Variants in SPOP observed in about 807,000 individuals in gnomAD.
SPOP encodes speckle-type POZ protein.
A neutral mutation model predicts 45.6 loss-of-function variants in SPOP; 11 were observed. That is an observed-to-expected ratio of 0.24 (90% CI 0.15 to 0.40). The LOEUF is 0.40. Among genes scored for constraint, SPOP ranks in the 10% least tolerant of loss-of-function variants. The pLI is 1.00. For missense variants in SPOP, 152 were observed against 465.6 expected, an observed-to-expected ratio of 0.33 and a Z score of 6.20; for synonymous variants, 166 against 166.3, an observed-to-expected ratio of 1.00 and a Z score of 0.01.
intron 1 of SPOP, among the ~76,000 whole-genome samples, chr17:49,641,881 G>C (rs747958910): frequency 1.3e-5 from 2 of 151,632 alleles, no homozygotes; most frequent in African/African-American, 2.4e-5. Context: ...AAATTAGCCG[G>C]GTGTGGTAGT....
At position 49,599,514 on chromosome 17, in the gene SPOP, T is replaced by TG. The variant is rs575037869; in HGVS notation, c.*863_*864insC. ...CTGTTTTTGTTTTGTGTGTTTTTTT[T>TG]TTTGTTTGTTTTTTAGAAAAAGGGG... On this transcript the variant is annotated 3_prime_UTR_variant, in exon 10 of 10. Coordinates refer to ENST00000504102, the MANE Select transcript of SPOP (RefSeq NM_001007228.2). 9,386 of 212,004 alleles carry TG rather than the reference T, an allele frequency of 0.044. 285 individuals are homozygous for TG. Among genetic ancestry groups the TG allele is most frequent in the African/African-American group, 0.068 (2,904 of 42,602 alleles). 13.1% of individuals were successfully genotyped at this position (212,004 alleles called of 1,614,324 possible). A position where few individuals can be genotyped will look rare whatever the true frequency, so the allele number is the denominator to read the frequency against.
At chr17:49,663,899 T>A (rs1193732405) in intron 1 of SPOP, among the ~76,000 whole-genome samples, 1 of 152,250 alleles carries the variant, frequency 6.6e-6, no homozygotes, top group Admixed American at 6.5e-5. Flanking sequence ...CTTGACAGCT[T>A]CCCAATACTT....
At chr17:49,673,622 C>T (rs891008850) in intron 1 of SPOP, among the ~76,000 whole-genome samples, 3 of 152,018 alleles carry the variant, frequency 2.0e-5, no homozygotes, top group African/African-American at 7.2e-5. Flanking sequence ...ACTATTTTTT[C>T]CATTTTTCTG....
chr17:49,629,113 G>A (rs1037428398), intron 1 of SPOP, among the ~76,000 whole-genome samples: 2 of 151,254 alleles, frequency 1.3e-5, no homozygotes, highest in African/African-American at 2.4e-5. Context: ...GTGGTGGCAC[G>A]TGCCTATAAT....
intron 1 of SPOP, among the ~76,000 whole-genome samples, chr17:49,672,966 G>C (rs943227353): frequency 6.6e-6 from 1 of 151,724 alleles, no homozygotes; most frequent in African/African-American, 2.4e-5. Context: ...ACAAAAAACA[G>C]TATCATGTGG....
rs562050616 is a variant in SPOP at position 49,600,332 on chromosome 17, G to A, written c.*46C>T. 5.0e-6 allele frequency: 8 copies of A among 1,610,752 alleles called. No homozygotes were observed. Among genetic ancestry groups the A allele is most frequent in the Non-Finnish European group, 6.8e-6 (8 of 1,178,382 alleles). On this transcript the variant is annotated 3_prime_UTR_variant, in exon 10 of 10. Coordinates refer to ENST00000504102, the MANE Select transcript of SPOP (RefSeq NM_001007228.2). This position sits in a 1 kb window ranked among gnomAD's most constrained non-coding sequence, Gnocchi z 4.2. ...CTGGTGGTCAGTGGCAGCAACAGTG[G>A]CTGCTGCTTCTGGAAATTAAACGGA...
At chr17:49,655,807 G>A (rs986859668) in intron 1 of SPOP, among the ~76,000 whole-genome samples, 4 of 151,940 alleles carry the variant, frequency 2.6e-5, no homozygotes, top group Admixed American at 6.6e-5. Context: ...AATAATTTTC[G>A]AATGAAAAAA....
chr17:49,672,595 C>T (rs1387734024), intron 1 of SPOP, among the ~76,000 whole-genome samples: 1 of 152,120 alleles, frequency 6.6e-6, no homozygotes, highest in Non-Finnish European at 1.5e-5. Flanking sequence ...GAAGAAATAA[C>T]CAGAAAATCC....
chr17:49,603,641 A>T (rs2071780431), intron 8 of SPOP, among the ~76,000 whole-genome samples: 1 of 152,336 alleles, frequency 6.6e-6, no homozygotes, highest in Non-Finnish European at 1.5e-5. Flanking sequence ...TAAATTCTAG[A>T]TGTTTAGATC....
chr17:49,605,689 CA>C (rs1323432035), intron 8 of SPOP, among the ~76,000 whole-genome samples: 1 of 145,796 alleles, frequency 6.9e-6, no homozygotes, highest in African/African-American at 2.6e-5. Context: ...GACTCTGTCT[CA>C]AAAAGTAAAT....
Position 49,625,430 on chromosome 17 carries a change from G to A in SPOP, c.-66-2554C>T, listed in dbSNP as rs538607561. On this transcript the variant is annotated intron_variant, in intron 1 of 9. Coordinates refer to ENST00000504102, the MANE Select transcript of SPOP (RefSeq NM_001007228.2). Reference sequence around the variant, plus strand: ...TCGAGACCAGCCTGACCAACATGGAGAAACCCTGTCCCTACTAAAAACACA... The same window carrying A: ...TCGAGACCAGCCTGACCAACATGGAAAAACCCTGTCCCTACTAAAAACACA... Among the ~76,000 whole-genome samples, 204 of 152,228 alleles carry A rather than the reference G, an allele frequency of 1.3e-3. 1 individual carries two copies. The highest frequency in any genetic ancestry group is 4.7e-3 in the African/African-American group (195 of 41,528).
At chr17:49,672,565 A>G (rs2073149171) in intron 1 of SPOP, among the ~76,000 whole-genome samples, 1 of 152,252 alleles carries the variant, frequency 6.6e-6, no homozygotes, top group Non-Finnish European at 1.5e-5. Context: ...TTAGAGCTCA[A>G]TATCTGTTTA....
intron 1 of SPOP, among the ~76,000 whole-genome samples, chr17:49,643,375 A>C (rs1357280711): frequency 6.6e-6 from 1 of 152,240 alleles, no homozygotes; most frequent in Non-Finnish European, 1.5e-5. Flanking sequence ...CAGTGGATTA[A>C]AGACTCCAGA....
intron 8 of SPOP, among the ~76,000 whole-genome samples, chr17:49,606,259 T>G (rs943513168): frequency 6.6e-6 from 1 of 152,056 alleles, no homozygotes; most frequent in African/African-American, 2.4e-5. Context: ...GCTCAAGTGA[T>G]CCTCCCACCT....
chr17:49,612,016 G>C (rs2071985508), intron 5 of SPOP, among the ~76,000 whole-genome samples: 1 of 151,860 alleles, frequency 6.6e-6, no homozygotes, highest in African/African-American at 2.4e-5. Flanking sequence ...TGGAGTAGCT[G>C]GGACTACAGG....
chr17:49,644,937 T>C (rs929909197), intron 1 of SPOP, among the ~76,000 whole-genome samples: 1 of 152,152 alleles, frequency 6.6e-6, no homozygotes, highest in Non-Finnish European at 1.5e-5. Context: ...TATAAATAAA[T>C]AAAACTTTAG....
intron 6 of SPOP, among the ~76,000 whole-genome samples, chr17:49,610,314 G>A (rs1374943441): frequency 6.6e-6 from 1 of 152,052 alleles, no homozygotes; most frequent in Non-Finnish European, 1.5e-5. Context: ...CGCCTCCAGG[G>A]TTCAAGCGAT....
At chr17:49,653,346 G>A (rs1597970432) in intron 1 of SPOP, among the ~76,000 whole-genome samples, 1 of 151,408 alleles carries the variant, frequency 6.6e-6, no homozygotes, top group Non-Finnish European at 1.5e-5. Context: ...CTTTAGAGAG[G>A]GATTTTTTAT....
At chr17:49,618,711 A>C in intron 5 of SPOP, 1 of 499,720 alleles carries the variant, frequency 2.0e-6, no homozygotes, top group South Asian at 1.9e-5. Context: ...CCCACAGTGA[A>C]AACTCCTGAC....
Sources: gnomAD v4.1 joint callset for allele counts (sites outside exome capture counted in the v4.1 genomes callset) on GRCh38, gnomAD v4.1.1 for gene constraint, Gnocchi (gnomAD v3.1) non-coding constraint, MANE v1.5 for transcripts, NCBI Gene and HGNC (gene_info 2026-07-23, HGNC 2026-07-21) for gene names.